Variants in PTPN21 observed in about 807,000 individuals in gnomAD.
The protein encoded by PTPN21 is tyrosine-protein phosphatase non-receptor type 21.
PTPN21 carries 77 observed loss-of-function variants against 131.8 expected under a neutral mutation model. The observed-to-expected ratio is 0.58, with a 90% CI of 0.49 to 0.71. The LOEUF (loss-of-function observed/expected upper bound fraction) is 0.71. PTPN21 is among the 30% of genes least tolerant of loss of function. The pLI is 0.00. For missense variants in PTPN21, 1,552 were observed against 1,527.1 expected (o/e 1.02, Z -0.27); for synonymous variants, 715 against 621.3 (o/e 1.15, Z -2.24).
chr14:88,522,341 T>C (rs746626575), intron 2 of PTPN21, among the ~76,000 whole-genome samples: 1 of 150,242 alleles, frequency 6.7e-6, no homozygotes, highest in Non-Finnish European at 1.5e-5. Flanking sequence ...GACAAGAGAA[T>C]TGCTTGAACC....
chr14:88,472,597 C>T (rs1423182180), intron 14 of PTPN21, 132 bp from the exon 15 acceptor site: 21 of 644,012 alleles, frequency 3.3e-5, no homozygotes, highest in Admixed American at 2.3e-4. Context: ...AGGTTGGGCA[C>T]GGTGTCTCAT....
chr14:88,502,155 G>C (rs1381506659), intron 6 of PTPN21, among the ~76,000 whole-genome samples: 1 of 152,138 alleles, frequency 6.6e-6, no homozygotes, highest in Non-Finnish European at 1.5e-5. Flanking sequence ...GTGCCCAAGT[G>C]CATGCAGACT....
chr14:88,552,466 T>G (rs1156529927), intron 1 of PTPN21: 1 of 152,194 alleles, frequency 6.6e-6, no homozygotes, highest in Non-Finnish European at 1.5e-5. Flanking sequence ...ATGCTATAAT[T>G]ACATACAGAG....
chr14:88,471,503 G>A (rs2077467882), intron 15 of PTPN21, among the ~76,000 whole-genome samples: 1 of 152,104 alleles, frequency 6.6e-6, no homozygotes, highest in East Asian at 1.9e-4. Flanking sequence ...ATATCCATAA[G>A]CAGAAAAGTA....
intron 10 of PTPN21, among the ~76,000 whole-genome samples, chr14:88,491,886 T>C (rs765539748): frequency 5.3e-5 from 8 of 152,106 alleles, no homozygotes; most frequent in Non-Finnish European, 4.4e-5. Context: ...ACTGATGACA[T>C]TAATGTAGTT....
intron 3 of PTPN21, among the ~76,000 whole-genome samples, chr14:88,514,288 C>G (rs941243875): frequency 1.4e-4 from 22 of 152,108 alleles, no homozygotes; most frequent in African/African-American, 5.3e-4. Context: ...TATTCCCAAG[C>G]TTTTCTAATT....
chr14:88,475,224 A>G (rs907100809), intron 13 of PTPN21, among the ~76,000 whole-genome samples: 5 of 152,206 alleles, frequency 3.3e-5, no homozygotes, highest in African/African-American at 1.2e-4. Context: ...CAGCTCTCTC[A>G]GCCTGTAACA....
At chr14:88,485,950 A>G (rs2077725444) in intron 10 of PTPN21, 108 bp from the exon 11 acceptor site, 2 of 693,240 alleles carry the variant, frequency 2.9e-6, no homozygotes, top group Non-Finnish European at 4.7e-6. Flanking sequence ...GCAAAAAAAA[A>G]GACAAGCTAT....
In PTPN21 at chr14:88,501,457, G is replaced by T. The variant is rs1477205435; in HGVS notation, c.588-89C>A. ...TTCTTAAAACCTATATGTCAATTTA[G>T]CATAAGACATTATAAACATTTCACG... On this transcript the variant is annotated intron_variant, in intron 6 of 18. Coordinates refer to ENST00000556564, the MANE Select transcript of PTPN21 (RefSeq NM_007039.4). The T allele has an allele frequency of 8.3e-6, 9 of 1,085,666 alleles. No homozygotes were observed. The Admixed American group carries it at 1.5e-4, about 18-fold the overall frequency. 67.3% of individuals were successfully genotyped at this position (1,085,666 alleles called of 1,614,324 possible).
chr14:88,474,131 C>CAAAAAAAAA (rs754719071), intron 13 of PTPN21, among the ~76,000 whole-genome samples: 32 of 46,630 alleles, frequency 6.9e-4, no homozygotes, highest in Non-Finnish European at 8.5e-4. Context: ...AGCTGAAGTC[C>CAAAAAAAAA]AAAAAAAAAA....
chr14:88,538,225 G>A (rs2078657057), intron 2 of PTPN21, among the ~76,000 whole-genome samples: 1 of 152,164 alleles, frequency 6.6e-6, no homozygotes, highest in African/African-American at 2.4e-5. Context: ...GGCTCATCAC[G>A]AAAGGCAGCC....
chr14:88,479,742 G>A lies in PTPN21; in HGVS notation c.1689C>T (p.Tyr563=), dbSNP rs761237088. Residue 563 remains tyrosine (Y), a synonymous_variant, in exon 13 of 19, where the codon TAC becomes TAT. Coordinates refer to ENST00000556564, the MANE Select transcript of PTPN21 (RefSeq NM_007039.4). ...GGGGCGGGTAGGGTGGGGGTGGCCG[G>A]TACACCTGCGTCCGCATGATGTTGG... is the stretch of plus-strand genomic sequence containing the variant. ...PSPNIMRTQV[Y]RPPPPYPPPR... is the part of the protein sequence containing the mutation. 3 of 1,538,808 alleles carry A rather than the reference G, an allele frequency of 1.9e-6. No homozygotes were observed. The highest frequency in any genetic ancestry group is 1.2e-5 in the South Asian group (1 of 80,224).
intron 2 of PTPN21, among the ~76,000 whole-genome samples, chr14:88,525,052 GGAC>G (rs1409935771): frequency 6.6e-6 from 1 of 151,620 alleles, no homozygotes; most frequent in African/African-American, 2.4e-5. Flanking sequence ...AGACAATCGT[GGAC>G]AACATAGTGA....
chr14:88,473,594 A>G lies in PTPN21; in HGVS notation c.2649+71T>C. 5 of 1,514,794 alleles carry G rather than the reference A, an allele frequency of 3.3e-6. No individual in the cohort carries two copies. In the South Asian group the frequency reaches 6.5e-5, roughly 20 times the overall value. 93.8% of individuals were successfully genotyped at this position (1,514,794 alleles called of 1,614,324 possible). On this transcript the variant is annotated intron_variant, in intron 14 of 18. Transcript: ENST00000556564. ...GTGTTAGAAAATTCACCAAAATCTCATGAAGGCATTTGCGTAGTATTTACC... is the reference window on the plus strand; with the variant it reads ...GTGTTAGAAAATTCACCAAAATCTCGTGAAGGCATTTGCGTAGTATTTACC...
chr14:88,551,994 C>T (rs2019446138), intron 1 of PTPN21: 1 of 152,248 alleles, frequency 6.6e-6, no homozygotes, highest in Non-Finnish European at 1.5e-5. Context: ...CTTCCTTCTG[C>T]GCAGAGATTG....
rs1403991164 is a variant in PTPN21, at chr14:88,479,064, G to A, written c.2367C>T (p.Asp789=). Residue 789 remains aspartate, a synonymous_variant, in exon 13 of 19, where the codon GAC becomes GAT. Coordinates refer to ENST00000556564, the MANE Select transcript of PTPN21 (RefSeq NM_007039.4). Reference sequence around the variant, plus strand: ...CCGACATGGAGGGCATCAGCAGCCCGTCTCTCCAGGGCCGCTGGGCCTCTG... The same window carrying A: ...CCGACATGGAGGGCATCAGCAGCCCATCTCTCCAGGGCCGCTGGGCCTCTG... ...TTAEAQRPWR[D]GLLMPSMSES... The A allele has an allele frequency of 1.2e-6, 2 of 1,606,532 alleles. No homozygotes were observed. The highest frequency in any genetic ancestry group is 1.7e-6 in the Non-Finnish European group (2 of 1,177,258).
chr14:88,477,999 C>T (rs1442177545), intron 13 of PTPN21, among the ~76,000 whole-genome samples: 2 of 152,082 alleles, frequency 1.3e-5, no homozygotes, highest in African/African-American at 4.8e-5. Context: ...ACAGAATGGG[C>T]TTCTAAGTAT....
At chr14:88,492,958 A>G (rs1378547781) in intron 10 of PTPN21, 5 of 385,982 alleles carry the variant, frequency 1.3e-5, no homozygotes, top group African/African-American at 1.0e-4. Flanking sequence ...ATCAAATGAA[A>G]ATGATCTGTC....
intron 6 of PTPN21, chr14:88,503,733 C>T (rs978543196): frequency 1.6e-5 from 2 of 128,614 alleles, no homozygotes; most frequent in African/African-American, 6.9e-5. Flanking sequence ...AAATACATCT[C>T]GACTTAAAGA....
Sources: gnomAD v4.1 joint callset for allele counts (sites outside exome capture counted in the v4.1 genomes callset) on GRCh38, gnomAD v4.1.1 for gene constraint, MANE v1.5 for transcripts, NCBI Gene and HGNC (gene_info 2026-07-23, HGNC 2026-07-21) for gene names.